Variants in ATE1 observed in about 807,000 individuals in gnomAD.
ATE1 encodes arginyl-tRNA--protein transferase 1.
In ATE1, 36 loss-of-function variants were observed where a neutral mutation model predicts 70.5. That is an observed-to-expected ratio of 0.51 (90% CI 0.39 to 0.67). ATE1 has a LOEUF of 0.67. Ranked by LOEUF, ATE1 falls within the 30% of genes least tolerant of loss-of-function variation. The pLI is 0.00. For missense variants in ATE1, 593 were observed against 629.5 expected (o/e 0.94, Z 0.62); for synonymous variants, 232 against 219.3 (o/e 1.06, Z -0.51).
intron 9 of ATE1, among the ~76,000 whole-genome samples, chr10:121,837,395 G>A (rs369638697): frequency 9.2e-5 from 14 of 152,114 alleles, no homozygotes; most frequent in Non-Finnish European, 1.3e-4. Flanking sequence ...TAACTCAAAC[G>A]TAAGAAGTTG....
chr10:121,774,118 T>A (rs1945634734), intron 11 of ATE1, among the ~76,000 whole-genome samples: 1 of 152,204 alleles, frequency 6.6e-6, no homozygotes, highest in Non-Finnish European at 1.5e-5. Flanking sequence ...CAGTGGTTGA[T>A]CAGCTTCGTT....
intron 7 of ATE1, among the ~76,000 whole-genome samples, chr10:121,875,329 A>G: frequency 8.8e-6 from 1 of 113,174 alleles, no homozygotes. Flanking sequence ...TTTGATAGGA[A>G]GTCTTGCTCT....
intron 7 of ATE1, among the ~76,000 whole-genome samples, chr10:121,894,716 C>T (rs1011287424): frequency 6.6e-6 from 1 of 151,816 alleles, no homozygotes; most frequent in East Asian, 1.9e-4. Context: ...CTGGCTAACA[C>T]GGTGAAACCC....
intron 11 of ATE1, among the ~76,000 whole-genome samples, chr10:121,773,412 C>G (rs1313173044): frequency 1.3e-5 from 2 of 152,166 alleles, no homozygotes; most frequent in East Asian, 3.8e-4. Flanking sequence ...ACAGTAACAG[C>G]AGTAAAACAA....
intron 5 of ATE1, among the ~76,000 whole-genome samples, chr10:121,904,771 G>A (rs1330815442): frequency 6.6e-6 from 1 of 151,836 alleles, no homozygotes; most frequent in East Asian, 1.9e-4. Context: ...AACCTAGAGT[G>A]GTTAAAGGGC....
intron 11 of ATE1, among the ~76,000 whole-genome samples, chr10:121,763,235 T>C (rs1420130086): frequency 6.6e-6 from 1 of 152,210 alleles, no homozygotes; most frequent in East Asian, 1.9e-4. Context: ...AATAACCATA[T>C]GATCTAGTAA....
At chr10:121,827,980 G>A (rs1035111131) in intron 10 of ATE1, among the ~76,000 whole-genome samples, 2 of 152,184 alleles carry the variant, frequency 1.3e-5, no homozygotes, top group African/African-American at 2.4e-5. Flanking sequence ...ATACTATGAC[G>A]ATGACCACAT....
chr10:121,927,774 C>T, intron 1 of ATE1, 70 bp downstream of exon 1: 1 of 1,484,642 alleles, frequency 6.7e-7, no homozygotes, highest in South Asian at 1.3e-5. Flanking sequence ...CTCGCGTCCT[C>T]GCTGGGGGAC....
chr10:121,770,204 T>C (rs1453423126), intron 11 of ATE1, among the ~76,000 whole-genome samples: 1 of 139,828 alleles, frequency 7.2e-6, no homozygotes, highest in East Asian at 2.1e-4. Flanking sequence ...GAACTACTGA[T>C]ACACTAAGAA....
intron 7 of ATE1, among the ~76,000 whole-genome samples, chr10:121,872,900 A>G (rs1949911871): frequency 6.6e-6 from 1 of 152,188 alleles, no homozygotes; most frequent in Non-Finnish European, 1.5e-5. Context: ...GTTAAGAGAA[A>G]GATCCTTTTC....
At position 121,848,347 on chromosome 10, in the gene ATE1, T is replaced by C. The variant is rs953390955; in HGVS notation, c.976-7084A>G. ...AAACTTATTTATCGGCTGGGTGTGG[T>C]GGCTCATGCGTGTAATCCCAGTACT... On this transcript the variant is annotated intron_variant, in intron 8 of 11. Transcript: ENST00000224652. Among the ~76,000 whole-genome samples the C allele has an allele frequency of 8.5e-5, 13 of 152,212 alleles. 1 individual carries two copies. Among genetic ancestry groups the C allele is most frequent in the African/African-American group, 3.1e-4 (13 of 41,558 alleles).
intron 10 of ATE1, among the ~76,000 whole-genome samples, chr10:121,824,987 C>T (rs750774585): frequency 1.3e-5 from 2 of 149,404 alleles, no homozygotes; most frequent in Admixed American, 6.6e-5. Flanking sequence ...TTCAAGCATA[C>T]GCCAAAAAGG....
rs1944213322 is a variant in ATE1, at chr10:121,743,484, G to A, written c.*196C>T. The stretch of plus-strand genomic sequence containing the variant: ...ATTATGGGGGCTAGGTCATAATGCA[G>A]TTTTAAAATCTTTATATTAACTATG... On this transcript the variant is annotated 3_prime_UTR_variant, in exon 12 of 12. Coordinates refer to ENST00000224652, the MANE Select transcript of ATE1 (RefSeq NM_001001976.3). The A allele has an allele frequency of 8.6e-7, 1 of 1,160,234 alleles. No individual in the cohort carries two copies. Among genetic ancestry groups the A allele is most frequent in the South Asian group, 3.2e-5 (1 of 31,534 alleles). 71.9% of individuals were successfully genotyped at this position (1,160,234 alleles called of 1,614,324 possible).
intron 7 of ATE1, among the ~76,000 whole-genome samples, chr10:121,871,770 G>C (rs929120086): frequency 2.6e-5 from 4 of 152,026 alleles, no homozygotes; most frequent in Admixed American, 2.6e-4. Context: ...AATGCAAACA[G>C]TAAGAATTTT....
chr10:121,874,223 GTTAAC>G (rs555158118), intron 7 of ATE1, among the ~76,000 whole-genome samples: 4 of 152,104 alleles, frequency 2.6e-5, no homozygotes, highest in Admixed American at 6.5e-5. Flanking sequence ...TCTAAATTAT[GTTAAC>G]TTAACATTTT....
intron 7 of ATE1, among the ~76,000 whole-genome samples, chr10:121,875,750 G>T (rs1950031872): frequency 6.6e-6 from 1 of 152,076 alleles, no homozygotes; most frequent in African/African-American, 2.4e-5. Context: ...CTATATAGCG[G>T]CCTCACCTCC....
chr10:121,908,031 A>T (rs924449628), intron 5 of ATE1, among the ~76,000 whole-genome samples: 1 of 152,178 alleles, frequency 6.6e-6, no homozygotes, highest in Non-Finnish European at 1.5e-5. Context: ...GCTGTCAAAG[A>T]CTACCAGGAT....
chr10:121,879,139 C>T (rs533924607), intron 7 of ATE1, among the ~76,000 whole-genome samples: 1 of 150,338 alleles, frequency 6.7e-6, no homozygotes, highest in Admixed American at 6.6e-5. Context: ...AAAACTTTCA[C>T]AAGCAACAGA....
intron 3 of ATE1, among the ~76,000 whole-genome samples, chr10:121,917,441 C>T (rs1271515189): frequency 6.6e-6 from 1 of 152,172 alleles, no homozygotes; most frequent in African/African-American, 2.4e-5. Context: ...TCACAGTACC[C>T]GCCATGGTTC....
Sources: gnomAD v4.1 joint callset for allele counts (sites outside exome capture counted in the v4.1 genomes callset) on GRCh38, gnomAD v4.1.1 for gene constraint, MANE v1.5 for transcripts, NCBI Gene and HGNC (gene_info 2026-07-23, HGNC 2026-07-21) for gene names.